DPF3: variants seen among roughly 807,000 people sequenced by gnomAD.
The protein encoded by DPF3 is double PHD fingers 3.
A neutral mutation model predicts 56.8 loss-of-function variants in DPF3; 18 were observed. That is an observed-to-expected ratio of 0.32 (90% CI 0.22 to 0.47). The LOEUF (loss-of-function observed/expected upper bound fraction) is 0.47. DPF3 is among the 20% of genes least tolerant of loss of function. The probability of loss-of-function intolerance (pLI) is 1.00; values close to 1 mark genes in which losing one functional copy is unlikely to be tolerated. For missense variants in DPF3, 403 were observed against 488.8 expected (o/e 0.82, Z 1.65); for synonymous variants, 188 against 180.2 (o/e 1.04, Z -0.35).
chr14:72,674,384 A>C lies in DPF3; in HGVS notation c.743-16T>G. Reference sequence around the variant, plus strand: ...CCTTTCTGGGCTGTGGGAACATTTAAAACATTCCAATTTCAGGCTTACATG... The same window carrying C: ...CCTTTCTGGGCTGTGGGAACATTTACAACATTCCAATTTCAGGCTTACATG... On this transcript the variant is annotated splice_polypyrimidine_tract_variant and intron_variant, in intron 7 of 10. Coordinates refer to ENST00000556509, the MANE Select transcript of DPF3 (RefSeq NM_001280542.3). 1 of 1,609,806 alleles carries C rather than the reference A, an allele frequency of 6.2e-7. No homozygotes were observed. The highest frequency in any genetic ancestry group is 8.5e-7 in the Non-Finnish European group (1 of 1,177,932).
rs1375709150 is a variant in DPF3 at position 72,731,931 on chromosome 14, A to T, written c.305T>A (p.Val102Glu). 7.0e-6 allele frequency: 11 copies of T among 1,579,702 alleles called. No homozygotes were observed. The highest frequency in any genetic ancestry group is 9.5e-6 in the Non-Finnish European group (11 of 1,162,670). ...CCCATCCTTCTTCAGGGGAAGCTCCACTTCTGAAAAACAAAGATAGAAAGG... is the reference window on the plus strand; with the variant it reads ...CCCATCCTTCTTCAGGGGAAGCTCCTCTTCTGAAAAACAAAGATAGAAAGG... ...KLRLLEIKPE[V>E]ELPLKKDGFT... Residue 102 changes from valine to glutamate, a missense_variant, in exon 4 of 11, where the codon GTG becomes GAG. Coordinates refer to ENST00000556509, the MANE Select transcript of DPF3 (RefSeq NM_001280542.3).
intron 1 of DPF3, among the ~76,000 whole-genome samples, chr14:72,821,323 C>T (rs930186805): frequency 6.6e-6 from 1 of 151,954 alleles, no homozygotes; most frequent in Non-Finnish European, 1.5e-5. Context: ...CGGCTCAGTC[C>T]TATAATCCCA....
intron 1 of DPF3, among the ~76,000 whole-genome samples, chr14:72,883,926 C>A (rs369904930): frequency 8.0e-3 from 969 of 121,220 alleles, no homozygotes; most frequent in South Asian, 8.8e-3. Context: ...GACTCTGTCT[C>A]AAAAAAAAAA....
chr14:72,874,249 T>C (rs1886020981), intron 1 of DPF3, among the ~76,000 whole-genome samples: 1 of 151,208 alleles, frequency 6.6e-6, no homozygotes. Flanking sequence ...GAGGCCAAGA[T>C]GGGCAGATCA....
rs1333921837 is a variant in DPF3, at chr14:72,884,899, G to A, written c.32+9158C>T. On this transcript the variant is annotated intron_variant, in intron 1 of 10. Transcript: ENST00000556509. The stretch of plus-strand genomic sequence containing the variant: ...ATCACGAGGTCAGGAGATCGAGACC[G>A]TCCTGGCTAACACGGTGAAACCCCG... Among the ~76,000 whole-genome samples the A allele has an allele frequency of 5.6e-4, 69 of 122,616 alleles. 1 individual carries two copies. Among genetic ancestry groups the A allele is most frequent in the African/African-American group, 1.6e-3 (57 of 35,302 alleles). The allele number at this position is 122,616 out of a possible 152,430, so 80.4% of individuals were successfully genotyped here.
chr14:72,821,627 T>A (rs2140035244), intron 1 of DPF3, among the ~76,000 whole-genome samples: 1 of 145,052 alleles, frequency 6.9e-6, no homozygotes, highest in African/African-American at 2.5e-5. Flanking sequence ...GATGTGTAGA[T>A]GACTTACACT....
intron 3 of DPF3, among the ~76,000 whole-genome samples, chr14:72,743,391 G>A (rs935011028): frequency 1.1e-4 from 17 of 151,932 alleles, no homozygotes; most frequent in Admixed American, 1.1e-3. Flanking sequence ...CCAGGATCCT[G>A]GCATCACCAG....
At chr14:72,759,727 T>G (rs776761619) in intron 2 of DPF3, among the ~76,000 whole-genome samples, 4 of 152,048 alleles carry the variant, frequency 2.6e-5, no homozygotes, top group Admixed American at 6.5e-5. Flanking sequence ...TACAGCAAAG[T>G]ATGTCATAAT....
intron 1 of DPF3, among the ~76,000 whole-genome samples, chr14:72,780,309 C>T (rs1891918577): frequency 6.6e-6 from 1 of 152,332 alleles, no homozygotes; most frequent in East Asian, 1.9e-4. Context: ...CTTCTCTGAG[C>T]TACCTTATCT....
intron 7 of DPF3, 113 bp from the exon 8 acceptor site, chr14:72,674,481 T>C: frequency 1.4e-6 from 2 of 1,443,930 alleles, no homozygotes; most frequent in Non-Finnish European, 9.2e-7. Flanking sequence ...GAGGTTTTAT[T>C]ATAACCAAGT....
chr14:72,788,106 G>T (rs1892283166), intron 1 of DPF3, among the ~76,000 whole-genome samples: 1 of 152,214 alleles, frequency 6.6e-6, no homozygotes, highest in African/African-American at 2.4e-5. Flanking sequence ...GCCCTTCACA[G>T]TGCCTGACCC....
intron 6 of DPF3, among the ~76,000 whole-genome samples, chr14:72,706,005 A>G (rs1888388765): frequency 6.6e-6 from 1 of 152,194 alleles, no homozygotes; most frequent in African/African-American, 2.4e-5. Context: ...TTTATTCACT[A>G]TGTGACCTCA....
At chr14:72,640,169 G>A (rs184478263) in intron 8 of DPF3, among the ~76,000 whole-genome samples, 122 of 151,858 alleles carry the variant, frequency 8.0e-4, no homozygotes, top group South Asian at 2.7e-3. Flanking sequence ...AGGAGAGCAG[G>A]GAAAAGAGGA....
intron 1 of DPF3, among the ~76,000 whole-genome samples, chr14:72,789,722 C>T (rs1892351637): frequency 6.6e-6 from 1 of 151,750 alleles, no homozygotes; most frequent in Admixed American, 6.6e-5. Context: ...TAAGAGAGAT[C>T]GTGTCTCACT....
intron 1 of DPF3, among the ~76,000 whole-genome samples, chr14:72,815,976 T>A (rs2140025910): frequency 6.6e-6 from 1 of 152,318 alleles, no homozygotes; most frequent in Middle Eastern, 3.4e-3. Context: ...GTTCCATATT[T>A]CCAGGGTGTG....
chr14:72,665,336 C>T lies in DPF3; in HGVS notation c.871+8904G>A, dbSNP rs1009123269. On this transcript the variant is annotated intron_variant, in intron 8 of 10. Transcript: ENST00000556509. ...AGCAGTCACACGCATACTGTTATTA[C>T]TCAGTCCCTAGTTGCCAAATGAACC... Among the ~76,000 whole-genome samples the T allele has an allele frequency of 1.1e-4, 17 of 152,230 alleles. No homozygotes were observed. In the East Asian group the frequency reaches 1.2e-3, roughly 10 times the overall value.
intron 1 of DPF3, among the ~76,000 whole-genome samples, chr14:72,792,440 G>GAAAAGAAAAT (rs1391208984): frequency 6.6e-6 from 1 of 152,144 alleles, no homozygotes; most frequent in East Asian, 1.9e-4. Flanking sequence ...AGAAAGAAAA[G>GAAAAGAAAAT]AAAAGAAAAA....
rs77080532 is a variant in DPF3 at position 72,680,973 on chromosome 14, C to A, written c.743-6605G>T. On this transcript the variant is annotated intron_variant, in intron 7 of 10. Coordinates refer to ENST00000556509, the MANE Select transcript of DPF3 (RefSeq NM_001280542.3). ...GTTTTCCACACCCAGAGGAACCCAG[C>A]CTTTCATCACTGTTCTATACTCATG... is the stretch of plus-strand genomic sequence containing the variant. Among the ~76,000 whole-genome samples, 1,125 of 152,342 alleles carry A rather than the reference C, an allele frequency of 7.4e-3. 26 individuals carry two copies. In the East Asian group the frequency reaches 0.076, roughly 10 times the overall value.
At chr14:72,672,064 C>CGG (rs1567196050) in intron 8 of DPF3, among the ~76,000 whole-genome samples, 7 of 129,294 alleles carry the variant, frequency 5.4e-5, no homozygotes, top group African/African-American at 2.1e-4. Context: ...CACACAGACA[C>CGG]ACACACACAC....
Sources: allele counts gnomAD v4.1 joint callset (sites outside exome capture counted in the v4.1 genomes callset), GRCh38; gene constraint gnomAD v4.1.1; transcripts MANE v1.5; gene names NCBI Gene and HGNC (gene_info 2026-07-23, HGNC 2026-07-21).